Variants in SLC46A2 observed in about 807,000 individuals in gnomAD.
SLC46A2 encodes the protein thymic stromal co-transporter.
A neutral mutation model predicts 33.1 loss-of-function variants in SLC46A2; 25 were observed. The ratio of observed to expected loss-of-function variants is 0.76; its 90% confidence interval spans 0.55 to 1.06. The LOEUF (loss-of-function observed/expected upper bound fraction) is 1.06. Among genes scored for constraint, SLC46A2 ranks in the 50% least tolerant of loss-of-function variants. SLC46A2 has a pLI of 0.00. For missense variants in SLC46A2, 622 were observed against 621.7 expected (o/e 1.00, Z 0.00); for synonymous variants, 254 against 275.9 (o/e 0.92, Z 0.79).
chr9:112,887,431 A>T lies in SLC46A2; in HGVS notation c.1130-18T>A, dbSNP rs756982655. ...GGCTCGAGCTGAAAGAGATCACACA[A>T]GAACACTCCTTGCTGTAGCCCAGCC... On this transcript the variant is annotated intron_variant, in intron 1 of 3. Coordinates refer to ENST00000374228, the MANE Select transcript of SLC46A2 (RefSeq NM_033051.4). 5.4e-5 allele frequency: 86 copies of T among 1,595,048 alleles called. No homozygotes were observed. The highest frequency in any genetic ancestry group is 7.2e-5 in the Non-Finnish European group (84 of 1,172,718).
Position 112,889,776 on chromosome 9 carries a change from G to A in SLC46A2, c.906C>T (p.Asp302=), listed in dbSNP as rs752211122. Residue 302 remains aspartate, a synonymous_variant, in exon 1 of 4, where the codon GAC becomes GAT. Transcript: ENST00000374228. ...IYDLAVVGTV[D]VIPLFVLREP... is the part of the protein sequence containing the mutation. The stretch of plus-strand genomic sequence containing the variant: ...CCCTCAGCACAAAAAGAGGGATCAC[G>A]TCCACTGTGCCCACCACCGCCAGGT... 2.4e-5 allele frequency: 38 copies of A among 1,613,972 alleles called. 1 individual carries two copies. Among genetic ancestry groups the A allele is most frequent in the Middle Eastern group, 3.3e-4 (2 of 6,084 alleles).
At chr9:112,889,467 GAC>G in intron 1 of SLC46A2, 84 bp downstream of exon 1, 1 of 1,448,860 alleles carries the variant, frequency 6.9e-7, no homozygotes. Context: ...GCTGAGCTAG[GAC>G]ACCCAGACCA....
Position 112,890,011 on chromosome 9 carries a change from A to AGGCTGTAGAGCAG in SLC46A2, c.658_670dup (p.Leu224ProfsTer12), listed in dbSNP as rs753999020. On this transcript the variant is annotated frameshift_variant, in exon 1 of 4. Coordinates refer to ENST00000374228, the MANE Select transcript of SLC46A2 (RefSeq NM_033051.4). LOFTEE classifies it high-confidence loss of function. This position sits in a 1 kb window ranked among gnomAD's most constrained non-coding sequence, Gnocchi z 6.0. ...CGACTCAGGGACCTTTAGCACCAAA[A>AGGCTGTAGAGCAG]GGCTGTAGAGCAGGGCAAACGAGGC... The AGGCTGTAGAGCAG allele has an allele frequency of 3.1e-6, 5 of 1,613,996 alleles. No individual in the cohort carries two copies. The highest frequency in any genetic ancestry group is 4.2e-6 in the Non-Finnish European group (5 of 1,180,028).
rs117604258 is a variant in SLC46A2 at position 112,889,863 on chromosome 9, A to C, written c.819T>G (p.Pro273=). Residue 273 remains proline (P), a synonymous_variant, in exon 1 of 4, where the codon CCT becomes CCG. Coordinates refer to ENST00000374228, the MANE Select transcript of SLC46A2 (RefSeq NM_033051.4). ...QQYAVGHPPS[P]GKAKPHKTTI... ...TGGTTTTATGGGGTTTTGCTTTTCC[A>C]GGAGATGGAGGGTGCCCCACTGCAT... The C allele has an allele frequency of 1.3e-3, 2,030 of 1,614,208 alleles. 36 individuals carry two copies. The South Asian group carries it at 0.015, about 12-fold the overall frequency.
At chr9:112,881,114 T>C (rs1841571335) in intron 3 of SLC46A2, among the ~76,000 whole-genome samples, 1 of 152,238 alleles carries the variant, frequency 6.6e-6, no homozygotes, top group South Asian at 2.1e-4. Flanking sequence ...ATTATCTTAA[T>C]AAATGGATGC....
intron 3 of SLC46A2, among the ~76,000 whole-genome samples, chr9:112,884,612 T>G (rs529137619): frequency 6.6e-6 from 1 of 152,338 alleles, no homozygotes; most frequent in African/African-American, 2.4e-5. Flanking sequence ...GTGGGTGGGA[T>G]CCTGATAGCA....
intron 3 of SLC46A2, among the ~76,000 whole-genome samples, chr9:112,883,819 T>G (rs1841612872): frequency 6.6e-6 from 1 of 151,504 alleles, no homozygotes; most frequent in South Asian, 2.1e-4. Flanking sequence ...TGCCTCAGCC[T>G]CCCGAATAAC....
At chr9:112,888,875 T>G (rs1422927188) in intron 1 of SLC46A2, among the ~76,000 whole-genome samples, 1 of 14,768 alleles carries the variant, frequency 6.8e-5, no homozygotes, top group African/African-American at 2.6e-3. Flanking sequence ...TCCTCCACGT[T>G]TTTTTTTTTT....
Position 112,890,002 on chromosome 9 carries a change from A to G in SLC46A2, c.680T>C (p.Leu227Pro), listed in dbSNP as rs779931426. The G allele has an allele frequency of 6.2e-7, 1 of 1,614,160 alleles. No individual in the cohort carries two copies. Among genetic ancestry groups the G allele is most frequent in the Non-Finnish European group, 8.5e-7 (1 of 1,180,020 alleles). Residue 227 changes from leucine (L) to proline (P), a missense_variant, in exon 1 of 4, where the codon CTA becomes CCA. Coordinates refer to ENST00000374228, the MANE Select transcript of SLC46A2 (RefSeq NM_033051.4). The surrounding 1 kb of genome is among the most constrained non-coding windows in gnomAD (Gnocchi z 6.0). ...SFALLYSLLV[L>P]KVPESVAKPS... Reference sequence around the variant, plus strand: ...TTTGGCCACCGACTCAGGGACCTTTAGCACCAAAAGGCTGTAGAGCAGGGC... The same window carrying G: ...TTTGGCCACCGACTCAGGGACCTTTGGCACCAAAAGGCTGTAGAGCAGGGC...
Position 112,890,499 on chromosome 9 carries a change from C to T in SLC46A2, c.183G>A (p.Ser61=). Residue 61 remains serine (S), a synonymous_variant, in exon 1 of 4, where the codon TCG becomes TCA. Transcript: ENST00000374228. This position sits in a 1 kb window ranked among gnomAD's most constrained non-coding sequence, Gnocchi z 6.0. The part of the protein sequence containing the change: ...GGSSNHSASP[S]PRGALEDQQQ... ...GTTGGTCCTCTAGAGCCCCCCGGGG[C>T]GATGGGCTGGCACTGTGGTTGGAGG... 1.2e-6 allele frequency: 2 copies of T among 1,614,166 alleles called. No homozygotes were observed. Among genetic ancestry groups the T allele is most frequent in the Non-Finnish European group, 1.7e-6 (2 of 1,180,028 alleles).
rs549699756 is a variant in SLC46A2, at chr9:112,889,600, C to T, written c.1082G>A (p.Gly361Glu). The T allele has an allele frequency of 3.7e-6, 6 of 1,613,972 alleles. No individual in the cohort carries two copies. In the South Asian group the frequency reaches 4.4e-5, roughly 12 times the overall value. ...TTTCACAAAAGCCAAGAGGAGGGCT[C>T]CTGACCCAAAGGAGACCATCCCAAT... ...IMIGMVSFGSGALLLAFVKET... is the reference protein window; with the variant it reads ...IMIGMVSFGSEALLLAFVKET... The change falls in exon 1 of 4, where the codon GGA (glycine) becomes GAA (glutamate). Residue 361 changes from glycine to glutamate, a missense_variant. Physicochemically the swap from Gly to Glu is moderately conservative, Grantham distance 98. Coordinates refer to ENST00000374228, the MANE Select transcript of SLC46A2 (RefSeq NM_033051.4).
At chr9:112,882,120 T>C (rs1347687660) in intron 3 of SLC46A2, among the ~76,000 whole-genome samples, 9 of 152,148 alleles carry the variant, frequency 5.9e-5, no homozygotes. Context: ...TTTTGTTTCT[T>C]TTTTGAGACA....
At position 112,890,427 on chromosome 9, in the gene SLC46A2, C is replaced by T. The variant is rs997029362; in HGVS notation, c.255G>A (p.Val85=). 1 of 1,614,132 alleles carries T rather than the reference C, an allele frequency of 6.2e-7. No individual in the cohort carries two copies. The highest frequency in any genetic ancestry group is 1.3e-5 in the African/African-American group (1 of 74,946). ...SNFYIIYNLV[V]GLSPLLSAYG... ...AGGCGGACAGCAGGGGGGACAGGCC[C>T]ACCACAAGGTTGTAGATAATGTAGA... The change falls in exon 1 of 4, where the codon GTG becomes GTA. Residue 85 remains valine (V), a synonymous_variant. Transcript: ENST00000374228. The surrounding 1 kb of genome is among the most constrained non-coding windows in gnomAD (Gnocchi z 6.0).
chr9:112,883,751 G>A (rs1001388869), intron 3 of SLC46A2, among the ~76,000 whole-genome samples: 3 of 147,818 alleles, frequency 2.0e-5, no homozygotes, highest in African/African-American at 7.5e-5. Context: ...AGGCTGGAGT[G>A]CAGTGGCACG....
In SLC46A2 at chr9:112,890,656, C is replaced by T. The variant is rs145291738; in HGVS notation, c.26G>A (p.Arg9Gln). 4.5e-4 allele frequency: 718 copies of T among 1,598,732 alleles called. 6 individuals carry two copies. In the African/African-American group the frequency reaches 7.4e-3, roughly 17 times the overall value. The change falls in exon 1 of 4, where the codon CGG (arginine) becomes CAG (glutamine). Residue 9 changes from arginine (R) to glutamine (Q), a missense_variant. Transcript: ENST00000374228. This position sits in a 1 kb window ranked among gnomAD's most constrained non-coding sequence, Gnocchi z 6.0. The part of the protein sequence containing the change: MSPEVTCP[R>Q]RGHLPRFHPR... ...GTGGAAGCGAGGCAGGTGGCCCCTC[C>T]GCGGGCAGGTGACCTCGGGGCTCAT...
Position 112,879,494 on chromosome 9 carries a change from T to G in SLC46A2, c.*268A>C. 2.3e-6 allele frequency: 1 copy of G among 432,768 alleles called. No homozygotes were observed. The allele number at this position is 432,768 out of a possible 1,614,324, so 26.8% of individuals were successfully genotyped here. On this transcript the variant is annotated 3_prime_UTR_variant, in exon 4 of 4. Transcript: ENST00000374228. ...GCTGTGTGCAGCCTGCCTGTAACCCTTAAGGTCATGCTCTGCTGTCACAGA... is the reference window on the plus strand; with the variant it reads ...GCTGTGTGCAGCCTGCCTGTAACCCGTAAGGTCATGCTCTGCTGTCACAGA...
intron 2 of SLC46A2, 63 bp from the exon 3 acceptor site, chr9:112,886,679 T>A: frequency 1.3e-6 from 2 of 1,582,538 alleles, no homozygotes; most frequent in Non-Finnish European, 1.7e-6. Context: ...CCCCATTAGC[T>A]GAGTCTCTGG....
In SLC46A2 at chr9:112,887,381, C is replaced by CGG; in HGVS notation, c.1160_1161dup (p.Val388ProfsTer13). Reference sequence around the variant, plus strand: ...GACATAGCTGATCGGATGGTTGTGACGGGGATGAGAGCAAACAGCATGACG... The same window carrying CGG: ...GACATAGCTGATCGGATGGTTGTGACGGGGGGATGAGAGCAAACAGCATGACG... On this transcript the variant is annotated frameshift_variant, in exon 2 of 4. Coordinates refer to ENST00000374228, the MANE Select transcript of SLC46A2 (RefSeq NM_033051.4). LOFTEE classifies it high-confidence loss of function. The CGG allele has an allele frequency of 2.5e-6, 4 of 1,611,306 alleles. No homozygotes were observed. The highest frequency in any genetic ancestry group is 3.4e-5 in the Admixed American group (2 of 59,484).
At chr9:112,882,351 C>G (rs1841590408) in intron 3 of SLC46A2, among the ~76,000 whole-genome samples, 1 of 152,168 alleles carries the variant, frequency 6.6e-6, no homozygotes, top group South Asian at 2.1e-4. Context: ...AAGCAATTCC[C>G]CCACCTCAGC....
Sources: allele counts gnomAD v4.1 joint callset (sites outside exome capture counted in the v4.1 genomes callset), GRCh38; gene constraint gnomAD v4.1.1; non-coding constraint Gnocchi (gnomAD v3.1); transcripts MANE v1.5; gene names NCBI Gene and HGNC (gene_info 2026-07-23, HGNC 2026-07-21).